POLQ: variants seen among roughly 807,000 people sequenced by gnomAD.
The protein encoded by POLQ is epididymis secretory sperm binding protein.
POLQ carries 233 observed loss-of-function variants against 259.2 expected under a neutral mutation model. The ratio of observed to expected loss-of-function variants is 0.90; its 90% CI spans 0.81 to 1.00. The LOEUF is 1.00. Ranked by LOEUF, POLQ falls within the 50% of genes least tolerant of loss-of-function variation. The pLI is 0.00. For missense variants in POLQ, 2,871 were observed against 3,051.6 expected (o/e 0.94, Z 1.39); for synonymous variants, 1,025 against 1,048.8 (o/e 0.98, Z 0.44).
At chr3:121,531,515 T>A (rs552894659) in intron 6 of POLQ, among the ~76,000 whole-genome samples, 11 of 152,216 alleles carry the variant, frequency 7.2e-5, no homozygotes, top group African/African-American at 2.6e-4. Flanking sequence ...TGTAGGACCT[T>A]ATAGACTACT....
chr3:121,502,116 A>G (rs2048175317), intron 12 of POLQ, among the ~76,000 whole-genome samples: 1 of 152,234 alleles, frequency 6.6e-6, no homozygotes, highest in African/African-American at 2.4e-5. Context: ...GTGGGTACAT[A>G]TAAAAACAGT....
At chr3:121,475,977 CATGA>C (rs2047922050) in intron 20 of POLQ, among the ~76,000 whole-genome samples, 1 of 151,348 alleles carries the variant, frequency 6.6e-6, no homozygotes, top group African/African-American at 2.4e-5. Context: ...GAATTCAACA[CATGA>C]ATAAGAGAAA....
intron 14 of POLQ, chr3:121,494,016 C>T (rs188971748): frequency 3.3e-6 from 2 of 606,456 alleles, no homozygotes; most frequent in Admixed American, 5.9e-5. Context: ...AAACAAGAAG[C>T]CCTCACCCTA....
chr3:121,463,152 A>C (rs2047806339), intron 24 of POLQ, among the ~76,000 whole-genome samples: 1 of 152,154 alleles, frequency 6.6e-6, no homozygotes, highest in Non-Finnish European at 1.5e-5. Flanking sequence ...CAAAACTCAC[A>C]TGTCAAGAGG....
chr3:121,464,162 C>T (rs1226055808), intron 24 of POLQ, among the ~76,000 whole-genome samples: 1 of 151,996 alleles, frequency 6.6e-6, no homozygotes, highest in East Asian at 1.9e-4. Flanking sequence ...TCCAAGAAAG[C>T]GAAAAATGTA....
At chr3:121,470,816 A>G (rs1302953803) in intron 22 of POLQ, among the ~76,000 whole-genome samples, 1 of 152,090 alleles carries the variant, frequency 6.6e-6, no homozygotes, top group African/African-American at 2.4e-5. Context: ...TTGACTTTCT[A>G]TAGAGACATG....
chr3:121,468,654 T>C (rs1442590383), intron 22 of POLQ, among the ~76,000 whole-genome samples: 4 of 152,212 alleles, frequency 2.6e-5, no homozygotes, highest in Admixed American at 2.6e-4. Context: ...TACACTACTA[T>C]GTTTTACACA....
In POLQ at chr3:121,481,814, T is replaced by C. The variant is rs758988642; in HGVS notation, c.5971-2A>G. The C allele has an allele frequency of 9.3e-6, 15 of 1,606,908 alleles. No individual in the cohort carries two copies. In the Middle Eastern group the frequency reaches 6.6e-4, roughly 71 times the overall value. Reference sequence around the variant, plus strand: ...TGGATCTAGTAACCAGCATGCCACCTGAATGGGATAGCAATGAGAATATTT... The same window carrying C: ...TGGATCTAGTAACCAGCATGCCACCCGAATGGGATAGCAATGAGAATATTT... On this transcript the variant is annotated splice_acceptor_variant, in intron 18 of 29. Transcript: ENST00000264233. LOFTEE classifies it high-confidence loss of function.
At chr3:121,493,978 A>C in intron 14 of POLQ, 1 of 599,246 alleles carries the variant, frequency 1.7e-6, no homozygotes, top group Admixed American at 3.0e-5. Flanking sequence ...ATACATGAAA[A>C]CTGAGGCAGA....
chr3:121,495,195 T>C (rs954279110), intron 14 of POLQ, among the ~76,000 whole-genome samples: 2 of 151,640 alleles, frequency 1.3e-5, no homozygotes, highest in African/African-American at 2.4e-5. Context: ...CACTTGAACT[T>C]GGGAGGCGGG....
At chr3:121,435,309 A>G (rs1357548447) in intron 28 of POLQ, among the ~76,000 whole-genome samples, 1 of 152,228 alleles carries the variant, frequency 6.6e-6, no homozygotes, top group East Asian at 1.9e-4. Context: ...CCAAGCAATA[A>G]AGGGAAAACT....
chr3:121,445,060 TTTTG>T (rs766612952), intron 26 of POLQ, among the ~76,000 whole-genome samples: 1 of 152,086 alleles, frequency 6.6e-6, no homozygotes, highest in Non-Finnish European at 1.5e-5. Flanking sequence ...GGTAGGTAGG[TTTTG>T]TTTGTTTGTT....
intron 25 of POLQ, among the ~76,000 whole-genome samples, chr3:121,459,385 T>G (rs1353967931): frequency 3.5e-5 from 5 of 143,986 alleles, no homozygotes; most frequent in African/African-American, 1.3e-4. Context: ...TTTTTTTTTT[T>G]TTTTTTTGTT....
intron 26 of POLQ, among the ~76,000 whole-genome samples, chr3:121,448,803 A>G (rs1372289750): frequency 5.3e-5 from 8 of 152,166 alleles, no homozygotes; most frequent in Admixed American, 4.6e-4. Flanking sequence ...TTTTATGACC[A>G]TATGCATTTG....
intron 26 of POLQ, among the ~76,000 whole-genome samples, chr3:121,443,014 T>C (rs2047606378): frequency 6.6e-6 from 1 of 152,212 alleles, no homozygotes; most frequent in East Asian, 1.9e-4. Context: ...CCCACTACCA[T>C]GCCCGGCTAA....
In POLQ at chr3:121,545,944, G is replaced by A. The variant is rs2048531492; in HGVS notation, c.-67C>T. 3.2e-6 allele frequency: 5 copies of A among 1,572,206 alleles called. No homozygotes were observed. In the South Asian group the frequency reaches 3.4e-5, roughly 11 times the overall value. ...GCGTCCTCCCTCTCGGGAGAACCCT[G>A]GCCTGGCAACAGCTGCGGACATCTT... On this transcript the variant is annotated 5_prime_UTR_variant, in exon 1 of 30. Transcript: ENST00000264233.
intron 3 of POLQ, among the ~76,000 whole-genome samples, chr3:121,539,923 A>G (rs1449682913): frequency 6.6e-6 from 1 of 152,198 alleles, no homozygotes; most frequent in Non-Finnish European, 1.5e-5. Flanking sequence ...ATAGCAAGAA[A>G]CTAGCTATAA....
rs1324334757 is a variant in POLQ, at chr3:121,487,860, G to A, written c.5071C>T (p.Gln1691Ter). The change falls in exon 16 of 30, where the codon CAG becomes TAG. Residue 1691 changes from glutamine to a stop codon, truncating the protein, a stop_gained. Coordinates refer to ENST00000264233, the MANE Select transcript of POLQ (RefSeq NM_199420.4). LOFTEE classifies it high-confidence loss of function. The part of the protein sequence containing the change: ...VISNLETKQV[Q>*]GISFSSNNEV... ...TTATTAGAAGAAAATGAAATTCCCT[G>A]CACTTGTTTTGTCTCCAAGTTTGAA... 7.5e-6 allele frequency: 12 copies of A among 1,610,504 alleles called. No individual in the cohort carries two copies. The highest frequency in any genetic ancestry group is 9.3e-6 in the Non-Finnish European group (11 of 1,178,728).
intron 10 of POLQ, among the ~76,000 whole-genome samples, chr3:121,510,935 T>G (rs1021639409): frequency 1.4e-5 from 2 of 147,320 alleles, no homozygotes; most frequent in Non-Finnish European, 3.0e-5. Context: ...AATACAAAAA[T>G]TAACTGGGTG....
Sources: gnomAD v4.1 joint callset for allele counts (sites outside exome capture counted in the v4.1 genomes callset) on GRCh38, gnomAD v4.1.1 for gene constraint, MANE v1.5 for transcripts, NCBI Gene and HGNC (gene_info 2026-07-23, HGNC 2026-07-21) for gene names.